MACF1: variants seen among roughly 807,000 people sequenced by gnomAD.
MACF1 encodes microtubule-actin cross-linking factor 1.
Under a neutral mutation model 854.8 loss-of-function variants are expected in MACF1, and 193 were observed. That is an observed-to-expected ratio of 0.23 (90% CI 0.20 to 0.25). The LOEUF (loss-of-function observed/expected upper bound fraction) is 0.25, where lower values mean the gene tolerates loss of function less well. MACF1 is among the 10% of genes least tolerant of loss of function. MACF1 has a pLI of 1.00. For missense variants in MACF1, 7,722 were observed against 8,929.1 expected (o/e 0.86, Z 5.45); for synonymous variants, 3,185 against 3,226.7 (o/e 0.99, Z 0.44).
At position 39,334,789 on chromosome 1, in the gene MACF1, T is replaced by TA; in HGVS notation, c.8202dup (p.Phe2735IlefsTer2). ...GTGTTAAATGGAGGAATTGTTGACA[T>TA]ATTTAGTGATCAGAGAGTGACTTTA... On this transcript the variant is annotated frameshift_variant, in exon 37 of 101. Transcript: ENST00000564288. LOFTEE classifies it high-confidence loss of function. 1 of 1,614,142 alleles carries TA rather than the reference T, an allele frequency of 6.2e-7. No individual in the cohort carries two copies. The highest frequency in any genetic ancestry group is 8.5e-7 in the Non-Finnish European group (1 of 1,180,000).
intron 1 of MACF1, among the ~76,000 whole-genome samples, chr1:39,224,144 A>G (rs965211667): frequency 6.6e-6 from 1 of 152,154 alleles, no homozygotes. Flanking sequence ...AAGAACAGCT[A>G]TTTTTAATTT....
chr1:39,440,070 G>A (rs1454042494), intron 72 of MACF1, among the ~76,000 whole-genome samples: 1 of 140,882 alleles, frequency 7.1e-6, no homozygotes, highest in Admixed American at 6.9e-5. Flanking sequence ...CTAGTTTTTG[G>A]TGCTATTTTT....
At position 39,388,568 on chromosome 1, in the gene MACF1, C is replaced by A; in HGVS notation, c.15726C>A (p.Asp5242Glu). 1 of 1,614,040 alleles carries A rather than the reference C, an allele frequency of 6.2e-7. No homozygotes were observed. Among genetic ancestry groups the A allele is most frequent in the Non-Finnish European group, 8.5e-7 (1 of 1,180,002 alleles). Residue 5242 changes from aspartate (D) to glutamate (E), a missense_variant, in exon 58 of 101, where the codon GAC becomes GAA. Around this residue, in one of 15 missense-constraint regions of MACF1, gnomAD observed 2,807 missense variants for 3,235.8 expected, o/e 0.87. Transcript: ENST00000564288. The stretch of plus-strand genomic sequence containing the variant: ...ACAGGAAATTGAAAGGACTCAATGA[C>A]GCGACCACAGCAGCAGAGGAGGCAG... ...DFYRKLKGLNDATTAAEEAEA... is the reference protein window; with the variant it reads ...DFYRKLKGLNEATTAAEEAEA...
chr1:39,168,513 G>T (rs754820687), intron 2 of MACF1, among the ~76,000 whole-genome samples: 2 of 152,102 alleles, frequency 1.3e-5, no homozygotes, highest in Non-Finnish European at 2.9e-5. Context: ...GCGTGTGTGT[G>T]GAGAACGGTC....
At chr1:39,471,431 A>G (rs1644775196) in intron 97 of MACF1, among the ~76,000 whole-genome samples, 1 of 152,218 alleles carries the variant, frequency 6.6e-6, no homozygotes, top group Non-Finnish European at 1.5e-5. Flanking sequence ...TGAGGACAGT[A>G]CAAGATGTGT....
In MACF1 at chr1:39,452,329, G is replaced by A; in HGVS notation, c.20592G>A (p.Arg6864=). The A allele has an allele frequency of 1.2e-6, 2 of 1,613,948 alleles. No homozygotes were observed. Among genetic ancestry groups the A allele is most frequent in the Non-Finnish European group, 1.7e-6 (2 of 1,179,934 alleles). The part of the protein sequence containing the change: ...VCKLSVSKQS[R]LEQALKQAEV... ...AACTCTCTGTTTCCAAACAAAGCCG[G>A]CTTGAGCAGGCCTTAAAACAAGTAA... is the stretch of plus-strand genomic sequence containing the variant. Residue 6864 remains arginine (R), a synonymous_variant, in exon 86 of 101, where the codon CGG becomes CGA. Coordinates refer to ENST00000564288, the MANE Select transcript of MACF1 (RefSeq NM_001394062.1).
chr1:39,340,598 G>C lies in MACF1; in HGVS notation c.10312G>C (p.Ala3438Pro), dbSNP rs770806999. Reference protein sequence around the residue: ...IIISQPQEVPAQLLKALEKDA... With the variant: ...IIISQPQEVPPQLLKALEKDA... ...CATCAGCCAGCCTCAAGAAGTTCCT[G>C]CTCAACTGTTGAAGGCTCTAGAGAA... Residue 3438 changes from alanine to proline, a missense_variant, in exon 39 of 101, where the codon GCT (alanine) becomes CCT (proline). By Grantham distance (27) the Ala-to-Pro change is conservative. Transcript: ENST00000564288. 4.3e-6 allele frequency: 7 copies of C among 1,614,046 alleles called. No individual in the cohort carries two copies. The highest frequency in any genetic ancestry group is 1.7e-5 in the Admixed American group (1 of 60,002).
In MACF1 at chr1:39,427,440, T is replaced by C. The variant is rs779395599; in HGVS notation, c.16317-15T>C. On this transcript the variant is annotated splice_polypyrimidine_tract_variant and intron_variant, in intron 61 of 100. Coordinates refer to ENST00000564288, the MANE Select transcript of MACF1 (RefSeq NM_001394062.1). ...ACTTTTCTTCCTGAGCAGCTTGTTC[T>C]ATATATTTGTGTAGGCAAAAACAGC... 1 of 1,612,206 alleles carries C rather than the reference T, an allele frequency of 6.2e-7. No homozygotes were observed. Among genetic ancestry groups the C allele is most frequent in the African/African-American group, 1.3e-5 (1 of 74,880 alleles).
intron 2 of MACF1, among the ~76,000 whole-genome samples, chr1:39,126,556 G>A (rs1422328480): frequency 6.6e-6 from 1 of 152,172 alleles, no homozygotes; most frequent in East Asian, 1.9e-4. Context: ...GGGAGGCCAA[G>A]GCATGTGGAT....
chr1:39,381,199 A>T (rs112193404), intron 55 of MACF1, among the ~76,000 whole-genome samples: 1 of 151,932 alleles, frequency 6.6e-6, no homozygotes, highest in African/African-American at 2.4e-5. Flanking sequence ...CTGGCATTGC[A>T]GGCATGCGCC....
intron 1 of MACF1, among the ~76,000 whole-genome samples, chr1:39,212,220 A>C (rs1006439207): frequency 1.3e-5 from 2 of 152,130 alleles, no homozygotes; most frequent in African/African-American, 4.8e-5. Context: ...TTGGGAAAAA[A>C]AGAAGGGGAA....
intron 6 of MACF1, among the ~76,000 whole-genome samples, chr1:39,273,952 G>A (rs1645382088): frequency 6.6e-6 from 1 of 152,080 alleles, no homozygotes; most frequent in East Asian, 1.9e-4. Flanking sequence ...TTATTTTTTA[G>A]GTGTAACAAT....
At chr1:39,485,477 C>G in intron 100 of MACF1, 61 bp from the exon 101 acceptor site, 1 of 1,496,418 alleles carries the variant, frequency 6.7e-7, no homozygotes, top group Non-Finnish European at 8.9e-7. Context: ...AGCTTCTGCT[C>G]ACTTGTTCTT....
intron 2 of MACF1, among the ~76,000 whole-genome samples, chr1:39,176,056 G>C (rs1644021644): frequency 7.2e-6 from 1 of 139,632 alleles, no homozygotes; most frequent in Admixed American, 7.8e-5. Context: ...CTTGCAGTGA[G>C]CTGAGATTGC....
At chr1:39,116,062 G>A (rs1642535821) in intron 2 of MACF1, among the ~76,000 whole-genome samples, 1 of 152,138 alleles carries the variant, frequency 6.6e-6, no homozygotes, top group Non-Finnish European at 1.5e-5. Context: ...GAAGGGTGGG[G>A]AGAGTTTTGT....
At chr1:39,411,209 C>G in intron 58 of MACF1, 1 of 1,613,768 alleles carries the variant, frequency 6.2e-7, no homozygotes, top group Non-Finnish European at 8.5e-7. Context: ...AGAGAGAAAA[C>G]AGAGTCTGAG....
At chr1:39,338,562 C>T (rs913620348) in intron 38 of MACF1, among the ~76,000 whole-genome samples, 3 of 152,208 alleles carry the variant, frequency 2.0e-5, no homozygotes, top group African/African-American at 7.2e-5. Context: ...ACTTACTTCA[C>T]ATAGCCTGGC....
chr1:39,468,929 C>G (rs1173579159), intron 96 of MACF1, among the ~76,000 whole-genome samples, 197 bp downstream of exon 96: 1 of 152,088 alleles, frequency 6.6e-6, no homozygotes, highest in Non-Finnish European at 1.5e-5. Context: ...GAGGTTGATG[C>G]TATTTGGGGA....
At chr1:39,165,967 T>C (rs1456641142) in intron 2 of MACF1, among the ~76,000 whole-genome samples, 1 of 152,188 alleles carries the variant, frequency 6.6e-6, no homozygotes, top group Non-Finnish European at 1.5e-5. Context: ...TTCCTTCCTT[T>C]CATTGAGAAC....
Sources: gnomAD v4.1 joint callset for allele counts (sites outside exome capture counted in the v4.1 genomes callset) on GRCh38, gnomAD v4.1.1 for gene constraint, gnomAD v4.1.1 regional missense constraint, MANE v1.5 for transcripts, NCBI Gene and HGNC (gene_info 2026-07-23, HGNC 2026-07-21) for gene names.